Variants in MSANTD2 observed in about 807,000 individuals in gnomAD.
MSANTD2 encodes Myb/SANT DNA binding domain containing 2.
MSANTD2 carries 19 observed loss-of-function variants against 52.6 expected under a neutral mutation model. The ratio of observed to expected loss-of-function variants is 0.36; its 90% CI spans 0.25 to 0.53. MSANTD2 has a LOEUF of 0.53. Among genes scored for constraint, MSANTD2 ranks in the 20% least tolerant of loss-of-function variants. The probability of loss-of-function intolerance (pLI) is 0.91; values close to 1 mark genes in which losing one functional copy is unlikely to be tolerated. For missense variants in MSANTD2, 558 were observed against 716.3 expected (o/e 0.78, Z 2.52); for synonymous variants, 291 against 289.7 (o/e 1.00, Z -0.04).
chr11:124,784,508 C>T (rs531121375), intron 1 of MSANTD2: 369 of 984,858 alleles, frequency 3.7e-4, no homozygotes, highest in African/African-American at 3.6e-3. Context: ...CTCAAAAATC[C>T]GCACACAGCT....
chr11:124,797,336 A>G (rs544157735), intron 1 of MSANTD2, among the ~76,000 whole-genome samples: 7 of 152,224 alleles, frequency 4.6e-5, no homozygotes, highest in African/African-American at 1.4e-4. Context: ...ACAAAAATAC[A>G]AAATTTAAAA....
At chr11:124,785,422 A>C (rs1198310047) in intron 1 of MSANTD2, among the ~76,000 whole-genome samples, 4 of 152,274 alleles carry the variant, frequency 2.6e-5, no homozygotes, top group African/African-American at 9.6e-5. Context: ...GAGACTGAGA[A>C]GCAGGGCTGG....
intron 1 of MSANTD2, among the ~76,000 whole-genome samples, chr11:124,781,950 G>A (rs1196330109): frequency 6.6e-6 from 1 of 152,130 alleles, no homozygotes; most frequent in African/African-American, 2.4e-5. Flanking sequence ...ACCACGCCTG[G>A]CCAATGTCTT....
At chr11:124,788,081 C>CAA (rs113281012) in intron 1 of MSANTD2, among the ~76,000 whole-genome samples, 25,002 of 107,174 alleles carry the variant, frequency 0.23, 2,667 homozygotes, top group South Asian at 0.4. Context: ...GACCCTGTCT[C>CAA]AAAAAAAAAA....
rs1426256485 is a variant in MSANTD2 at position 124,782,986 on chromosome 11, G to A, written c.511-8012C>T. On this transcript the variant is annotated intron_variant, in intron 1 of 3. Transcript: ENST00000374979. Reference sequence around the variant, plus strand: ...ACCTTTCTTTGGGCGGGCAGGCCACGTGCCAAAGGGAGCTCTGCAGCCCTG... The same window carrying A: ...ACCTTTCTTTGGGCGGGCAGGCCACATGCCAAAGGGAGCTCTGCAGCCCTG... Among the ~76,000 whole-genome samples, 6 of 152,232 alleles carry A rather than the reference G, an allele frequency of 3.9e-5. No individual in the cohort carries two copies. The South Asian group carries it at 1.0e-3, about 26-fold the overall frequency.
intron 1 of MSANTD2, among the ~76,000 whole-genome samples, chr11:124,780,413 G>T (rs1419059572): frequency 1.3e-5 from 2 of 152,126 alleles, no homozygotes; most frequent in Admixed American, 1.3e-4. Context: ...AAACCAAAAA[G>T]AAAAATGTAG....
rs763967596 is a variant in MSANTD2, at chr11:124,799,931, G to A, written c.450C>T (p.Ser150=). Reference sequence around the variant, plus strand: ...CGTAGCCCAGCTCGGCCAGGGCCCGGGACACGCGCTCGTACATGGCTGGCC... The same window carrying A: ...CGTAGCCCAGCTCGGCCAGGGCCCGAGACACGCGCTCGTACATGGCTGGCC... ...APGPAMYERV[S]RALAELGYER... The change falls in exon 1 of 4, where the codon TCC becomes TCT. Residue 150 remains serine (S), a synonymous_variant. Coordinates refer to ENST00000374979, the MANE Select transcript of MSANTD2 (RefSeq NM_001308027.2). 1 of 1,585,748 alleles carries A rather than the reference G, an allele frequency of 6.3e-7. No individual in the cohort carries two copies. Among genetic ancestry groups the A allele is most frequent in the Admixed American group, 1.7e-5 (1 of 59,086 alleles).
chr11:124,786,498 C>CA (rs1353030302), intron 1 of MSANTD2, among the ~76,000 whole-genome samples: 1 of 152,112 alleles, frequency 6.6e-6, no homozygotes, highest in Non-Finnish European at 1.5e-5. Flanking sequence ...CTTTTACTGT[C>CA]AAAAAGTAAT....
chr11:124,799,157 A>G (rs2135280478), intron 1 of MSANTD2, among the ~76,000 whole-genome samples: 1 of 152,312 alleles, frequency 6.6e-6, no homozygotes. Flanking sequence ...GGAGCTTCCT[A>G]AGAAACCGCA....
intron 1 of MSANTD2, among the ~76,000 whole-genome samples, chr11:124,788,328 A>C (rs1945227731): frequency 6.6e-6 from 1 of 152,192 alleles, no homozygotes; most frequent in Non-Finnish European, 1.5e-5. Context: ...AGTTAAACAA[A>C]ATAAAAAGCA....
intron 3 of MSANTD2, among the ~76,000 whole-genome samples, chr11:124,770,646 TC>T (rs1717897042): frequency 6.6e-6 from 1 of 152,096 alleles, no homozygotes; most frequent in African/African-American, 2.4e-5. Context: ...TACTCTGTTA[TC>T]CAGGCTGGAG....
intron 1 of MSANTD2, 67 bp from the exon 2 acceptor site, chr11:124,775,041 TA>T: frequency 1.5e-6 from 2 of 1,378,534 alleles, no homozygotes; most frequent in Non-Finnish European, 1.9e-6. Flanking sequence ...GGACCACAGA[TA>T]TTAATTACTA....
chr11:124,768,159 T>A, intron 3 of MSANTD2, 131 bp from the exon 4 acceptor site: 1 of 770,192 alleles, frequency 1.3e-6, no homozygotes, highest in Admixed American at 2.7e-5. Context: ...GAAATGTGGC[T>A]GAGGTATTAC....
intron 1 of MSANTD2, chr11:124,784,439 C>T (rs1945091028): frequency 5.1e-6 from 5 of 985,310 alleles, no homozygotes; most frequent in Non-Finnish European, 6.0e-6. Flanking sequence ...ACACCCTCCA[C>T]TACGAACTAA....
rs1485211239 is a variant in MSANTD2, at chr11:124,767,238, C to T, written c.1618G>A (p.Ala540Thr). 5 of 1,613,652 alleles carry T rather than the reference C, an allele frequency of 3.1e-6. No individual in the cohort carries two copies. Among genetic ancestry groups the T allele is most frequent in the African/African-American group, 1.3e-5 (1 of 74,858 alleles). The change falls in exon 4 of 4, where the codon GCA becomes ACA. Residue 540 changes from alanine to threonine, a missense_variant. Around this residue, in one of 2 missense-constraint regions of MSANTD2, gnomAD observed 408 missense variants for 573.6 expected, o/e 0.71. Transcript: ENST00000374979. The surrounding 1 kb of genome is among the most constrained non-coding windows in gnomAD (Gnocchi z 6.5). ...TCCAGGCACTCAACTAAAGAGCCTG[C>T]GGAAAGAAAATCCCTCTCTACTTCT... The part of the protein sequence containing the change: ...FVEVERDFLS[A>T]GSLVECLEKA...
chr11:124,799,772 A>G, intron 1 of MSANTD2, 99 bp downstream of exon 1: 1 of 815,032 alleles, frequency 1.2e-6, no homozygotes, highest in Non-Finnish European at 1.8e-6. Flanking sequence ...CGGGCCCCGG[A>G]GGAGAGCCCT....
rs1490133366 is a variant in MSANTD2, at chr11:124,779,518, C to G, written c.511-4544G>C. Among the ~76,000 whole-genome samples, 4 of 152,144 alleles carry G rather than the reference C, an allele frequency of 2.6e-5. No homozygotes were observed. The highest frequency in any genetic ancestry group is 5.9e-5 in the Non-Finnish European group (4 of 68,046). The stretch of plus-strand genomic sequence containing the variant: ...CTAACTGACCATACATGGAATGGAG[C>G]ACTATAACGTGGAGGAACAGAAATA... On this transcript the variant is annotated intron_variant, in intron 1 of 3. Coordinates refer to ENST00000374979, the MANE Select transcript of MSANTD2 (RefSeq NM_001308027.2). The surrounding 1 kb of genome is among the most constrained non-coding windows in gnomAD (Gnocchi z 4.6).
chr11:124,788,930 T>C (rs952492548), intron 1 of MSANTD2, among the ~76,000 whole-genome samples: 4 of 152,236 alleles, frequency 2.6e-5, no homozygotes, highest in Non-Finnish European at 5.9e-5. Context: ...ATTGTGTTAA[T>C]TGCTTAATTA....
chr11:124,774,609 A>G lies in MSANTD2; in HGVS notation c.766+110T>C, dbSNP rs1944666190. 9.0e-7 allele frequency: 1 copy of G among 1,106,828 alleles called. No individual in the cohort carries two copies. Among genetic ancestry groups the G allele is most frequent in the African/African-American group, 1.6e-5 (1 of 64,224 alleles). 68.6% of individuals were successfully genotyped at this position (1,106,828 alleles called of 1,614,324 possible). A position where few individuals can be genotyped will look rare whatever the true frequency, so the allele number is the denominator to read the frequency against. ...ATGCCCTTTATGCCTTATGCTGACC[A>G]CTATAGGGAACAGTACCAAAGATAT... On this transcript the variant is annotated intron_variant, in intron 2 of 3. Transcript: ENST00000374979. This position sits in a 1 kb window ranked among gnomAD's most constrained non-coding sequence, Gnocchi z 5.1.
Sources: allele counts gnomAD v4.1 joint callset (sites outside exome capture counted in the v4.1 genomes callset), GRCh38; gene constraint gnomAD v4.1.1; regional missense constraint gnomAD v4.1.1; non-coding constraint Gnocchi (gnomAD v3.1); transcripts MANE v1.5; gene names NCBI Gene and HGNC (gene_info 2026-07-23, HGNC 2026-07-21).